PLB1: variants seen among roughly 807,000 people sequenced by gnomAD.
PLB1 encodes phospholipase B1, membrane-associated.
A neutral mutation model predicts 227.4 loss-of-function variants in PLB1; 242 were observed. The observed-to-expected ratio is 1.06, with a 90% CI of 0.96 to 1.18. The LOEUF (loss-of-function observed/expected upper bound fraction) is 1.18. Among genes scored for constraint, PLB1 ranks in the 50% most tolerant of loss-of-function variants. PLB1 has a pLI of 0.00. For synonymous variants in PLB1, 757 were observed against 682.2 expected (o/e 1.11, Z -1.71); for missense variants, 1,858 against 1,816.3 (o/e 1.02, Z -0.42).
At chr2:28,592,909 T>A (rs1157064973) in intron 32 of PLB1, among the ~76,000 whole-genome samples, 190 bp downstream of exon 32, 2 of 152,228 alleles carry the variant, frequency 1.3e-5, no homozygotes, top group African/African-American at 4.8e-5. Context: ...AGAGGAAATC[T>A]TTTTTGGGAG....
At chr2:28,583,832 G>A (rs1347173541) in intron 25 of PLB1, among the ~76,000 whole-genome samples, 1 of 150,002 alleles carries the variant, frequency 6.7e-6, no homozygotes, top group African/African-American at 2.5e-5. Context: ...GATAGCCATA[G>A]GGTAATGCAA....
chr2:28,560,090 C>T (rs1675815526), intron 17 of PLB1, among the ~76,000 whole-genome samples: 1 of 152,124 alleles, frequency 6.6e-6, no homozygotes, highest in Non-Finnish European at 1.5e-5. Flanking sequence ...GAGAAAGCCT[C>T]CTGCAGACAA....
At chr2:28,631,114 A>C (rs1355726364) in intron 54 of PLB1, among the ~76,000 whole-genome samples, 1 of 150,946 alleles carries the variant, frequency 6.6e-6, no homozygotes, top group African/African-American at 2.4e-5. Context: ...TGATGATGCC[A>C]TTGTACTCTG....
chr2:28,598,497 T>G (rs1249427252), intron 34 of PLB1, among the ~76,000 whole-genome samples, 155 bp from the exon 35 acceptor site: 1 of 152,160 alleles, frequency 6.6e-6, no homozygotes, highest in Admixed American at 6.5e-5. Flanking sequence ...TGGTCCCAGC[T>G]TATGTCCAGG....
chr2:28,553,441 A>G (rs1674548684), intron 17 of PLB1, among the ~76,000 whole-genome samples: 1 of 152,246 alleles, frequency 6.6e-6, no homozygotes, highest in South Asian at 2.1e-4. Context: ...TGAACGCGCC[A>G]TCTTCACTGC....
intron 49 of PLB1, among the ~76,000 whole-genome samples, chr2:28,624,287 T>A (rs1687428817): frequency 6.6e-6 from 1 of 152,354 alleles, no homozygotes; most frequent in South Asian, 2.1e-4. Flanking sequence ...TTTGCATTTT[T>A]AAAAATTTTA....
Position 28,582,421 on chromosome 2 carries a change from T to C in PLB1, c.1649T>C (p.Val550Ala). Residue 550 changes from valine to alanine, a missense_variant, in exon 25 of 58, where the codon GTG (valine) becomes GCG (alanine). Coordinates refer to ENST00000327757, the MANE Select transcript of PLB1 (RefSeq NM_153021.5). ...TTTTCTCAGGTTCCTCGGGCATTTG[T>C]GAACCTGGTGACGGTGCTTGAGATC... is the stretch of plus-strand genomic sequence containing the variant. Reference protein sequence around the residue: ...ILHAEVPRAFVNLVTVLEIVN... With the variant: ...ILHAEVPRAFANLVTVLEIVN... 1 of 1,613,296 alleles carries C rather than the reference T, an allele frequency of 6.2e-7. No individual in the cohort carries two copies. The highest frequency in any genetic ancestry group is 8.5e-7 in the Non-Finnish European group (1 of 1,179,636).
intron 24 of PLB1, 114 bp from the exon 25 acceptor site, chr2:28,582,290 TG>T: frequency 8.5e-7 from 1 of 1,171,852 alleles, no homozygotes; most frequent in Non-Finnish European, 1.2e-6. Context: ...AGGAAGTGGA[TG>T]GGGGCAGATG....
At chr2:28,581,488 AATAAATAAAT>A (rs1318774316) in intron 23 of PLB1, among the ~76,000 whole-genome samples, 1 of 7,138 alleles carries the variant, frequency 1.4e-4, no homozygotes, top group South Asian at 3.7e-3. Context: ...CACGCAAAAA[AATAAATAAAT>A]AAATAAATAA....
chr2:28,591,817 G>A (rs1170394479), intron 31 of PLB1, 57 bp downstream of exon 31: 2 of 1,534,380 alleles, frequency 1.3e-6, no homozygotes, highest in Non-Finnish European at 9.0e-7. Context: ...CTGCTATGCT[G>A]GTGAGTCCTC....
Position 28,592,641 on chromosome 2 carries a change from G to A in PLB1, c.2189-20G>A. ...TGGCTTCCCTCCTGCAGCCCTAAGT[G>A]TGTCCACTTGTCTTTCCAGTGCATG... is the stretch of plus-strand genomic sequence containing the variant. On this transcript the variant is annotated intron_variant, in intron 31 of 57. Transcript: ENST00000327757. The A allele has an allele frequency of 6.2e-7, 1 of 1,613,802 alleles. No homozygotes were observed. Among genetic ancestry groups the A allele is most frequent in the Non-Finnish European group, 8.5e-7 (1 of 1,179,718 alleles).
intron 1 of PLB1, among the ~76,000 whole-genome samples, chr2:28,501,681 G>C (rs1264575446): frequency 6.6e-6 from 1 of 151,618 alleles, no homozygotes; most frequent in African/African-American, 2.4e-5. Context: ...TTTTCTTTTT[G>C]AGAAAATATA....
At chr2:28,500,941 C>T (rs1033603647) in intron 1 of PLB1, among the ~76,000 whole-genome samples, 1 of 152,070 alleles carries the variant, frequency 6.6e-6, no homozygotes, top group Non-Finnish European at 1.5e-5. Flanking sequence ...AAGATTTTCC[C>T]TGCTAACCTT....
chr2:28,543,397 G>A (rs940579495), intron 14 of PLB1, 129 bp downstream of exon 14: 5 of 953,094 alleles, frequency 5.2e-6, no homozygotes, highest in South Asian at 3.4e-5. Flanking sequence ...TGGGCCACCA[G>A]GGATGCTTCT....
rs377283820 is a variant in PLB1, at chr2:28,538,332, C to T, written c.569C>T (p.Ala190Val). The T allele has an allele frequency of 3.7e-5, 60 of 1,613,146 alleles. No homozygotes were observed. Among genetic ancestry groups the T allele is most frequent in the East Asian group, 2.9e-4 (13 of 44,854 alleles). ...CTCCTCTCACAGAATGGGCTTGCGG[C>T]GGGCGGCGTGGATGAGCTGATGGGG... ...CPSAQQNGLA[A>V]GGVDELMGVL... is the part of the protein sequence containing the mutation. Residue 190 changes from alanine (A) to valine (V), a missense_variant, in exon 10 of 58, where the codon GCG (alanine) becomes GTG (valine). By Grantham distance (64) the Ala-to-Val change is moderately conservative. Transcript: ENST00000327757.
At chr2:28,642,453 G>C (rs1690081007) in intron 57 of PLB1, among the ~76,000 whole-genome samples, 1 of 152,190 alleles carries the variant, frequency 6.6e-6, no homozygotes, top group South Asian at 2.1e-4. Flanking sequence ...AAAACCAGCT[G>C]TCCTTCCATG....
chr2:28,621,359 G>A (rs1341309170), intron 49 of PLB1, among the ~76,000 whole-genome samples: 5 of 152,186 alleles, frequency 3.3e-5, no homozygotes, highest in South Asian at 2.1e-4. Flanking sequence ...CAGGTCAAAC[G>A]TGCAGGGTGG....
At position 28,625,732 on chromosome 2, in the gene PLB1, C is replaced by G. The variant is rs1199228108; in HGVS notation, c.3579+624C>G. ...CTTTGCTTCTAGCTGCATCCTTTGC[C>G]TACAGCTCCCTGGAAGGCCTTCATT... On this transcript the variant is annotated intron_variant, in intron 50 of 57. Coordinates refer to ENST00000327757, the MANE Select transcript of PLB1 (RefSeq NM_153021.5). 3.9e-5 allele frequency among the ~76,000 whole-genome samples: 6 copies of G among 152,180 alleles called. No homozygotes were observed. The East Asian group carries it at 9.6e-4, about 24-fold the overall frequency.
intron 51 of PLB1, among the ~76,000 whole-genome samples, chr2:28,627,910 G>C (rs1688031128): frequency 6.6e-6 from 1 of 152,118 alleles, no homozygotes; most frequent in Non-Finnish European, 1.5e-5. Context: ...CACCTTCTGG[G>C]CCTGTAGCCC....
Sources: gnomAD v4.1 joint callset for allele counts (sites outside exome capture counted in the v4.1 genomes callset) on GRCh38, gnomAD v4.1.1 for gene constraint, MANE v1.5 for transcripts, NCBI Gene and HGNC (gene_info 2026-07-23, HGNC 2026-07-21) for gene names.